SLC25A38: variants seen among roughly 807,000 people sequenced by gnomAD.
SLC25A38 encodes solute carrier family 25 member 38, also known as mitochondrial glycine transporter.
In SLC25A38, 27 loss-of-function variants were observed where a neutral mutation model predicts 33.4. The observed-to-expected ratio is 0.81, with a 90% CI of 0.60 to 1.11. The LOEUF (loss-of-function observed/expected upper bound fraction) is 1.11, where lower values mean the gene tolerates loss of function less well. Among genes scored for constraint, SLC25A38 ranks in the 50% most tolerant of loss-of-function variants. The probability of loss-of-function intolerance (pLI) is 0.00; values close to 1 mark genes in which losing one functional copy is unlikely to be tolerated. For synonymous variants in SLC25A38, 123 were observed against 145.9 expected, an observed-to-expected ratio of 0.84 and a Z score of 1.13; for missense variants, 344 against 388.8, an observed-to-expected ratio of 0.88 and a Z score of 0.97.
chr3:39,388,526 T>G (rs547017613), intron 1 of SLC25A38: 3 of 152,352 alleles, frequency 2.0e-5, no homozygotes, highest in African/African-American at 7.2e-5. Flanking sequence ...TCTTAATGTT[T>G]TAGGGCCACA....
chr3:39,391,687 A>G (rs2041770473), intron 4 of SLC25A38, 67 bp downstream of exon 4: 6 of 1,609,200 alleles, frequency 3.7e-6, no homozygotes, highest in Admixed American at 1.7e-5. Flanking sequence ...GGGAGTGACC[A>G]CCGATGTCAA....
Position 39,389,574 on chromosome 3 carries a change from T to G in SLC25A38, c.149T>G (p.Leu50Arg). 1 of 1,614,172 alleles carries G rather than the reference T, an allele frequency of 6.2e-7. No individual in the cohort carries two copies. The highest frequency in any genetic ancestry group is 8.5e-7 in the Non-Finnish European group (1 of 1,180,030). The change falls in exon 2 of 7, where the codon CTC becomes CGC. Residue 50 changes from leucine (L) to arginine (R), a missense_variant. Leu to Arg is a moderately radical substitution (Grantham distance 102). This residue lies in a region of SLC25A38 where 269 missense variants were observed against 271.8 expected (regional missense o/e 0.99). Transcript: ENST00000650617. This position sits in a 1 kb window ranked among gnomAD's most constrained non-coding sequence, Gnocchi z 4.5. ...CSTLLFQPLD[L>R]LKTRLQTLQP... The stretch of plus-strand genomic sequence containing the variant: ...ACCCTCCTTTTCCAACCTCTGGATC[T>G]CCTTAAAACACGCCTGCAAACCCTC...
Position 39,383,406 on chromosome 3 carries a change from C to G in SLC25A38, c.-319C>G. The G allele has an allele frequency of 5.2e-6, 2 of 384,840 alleles. No individual in the cohort carries two copies. Among genetic ancestry groups the G allele is most frequent in the Non-Finnish European group, 4.9e-6 (1 of 204,576 alleles). 23.8% of individuals were successfully genotyped at this position (384,840 alleles called of 1,614,324 possible). A position where few individuals can be genotyped will look rare whatever the true frequency, so the allele number is the denominator to read the frequency against. Reference sequence around the variant, plus strand: ...GGCGCTTCCTCCACCCCGGGATACACAGAACCTCATCTCCTACGGTGCTGA... The same window carrying G: ...GGCGCTTCCTCCACCCCGGGATACAGAGAACCTCATCTCCTACGGTGCTGA... On this transcript the variant is annotated 5_prime_UTR_variant, in exon 1 of 7. Transcript: ENST00000650617.
chr3:39,383,602 C>T lies in SLC25A38; in HGVS notation c.-123C>T. ...TTATAGGCGCAGACGTCAGAGAGCC[C>T]GCGGCTTAAAGCGCGTCGCCTGGCT... On this transcript the variant is annotated 5_prime_UTR_variant, in exon 1 of 7. Coordinates refer to ENST00000650617, the MANE Select transcript of SLC25A38 (RefSeq NM_017875.4). 1.8e-6 allele frequency: 2 copies of T among 1,122,490 alleles called. No homozygotes were observed. The highest frequency in any genetic ancestry group is 2.6e-6 in the Non-Finnish European group (2 of 758,614). 69.5% of individuals were successfully genotyped at this position (1,122,490 alleles called of 1,614,324 possible).
intron 1 of SLC25A38, among the ~76,000 whole-genome samples, chr3:39,383,994 C>T (rs1182994559): frequency 6.6e-6 from 1 of 152,178 alleles, no homozygotes; most frequent in Non-Finnish European, 1.5e-5. Flanking sequence ...TGCAGGCCAG[C>T]CCTGGGGGCA....
chr3:39,392,100 A>G, intron 5 of SLC25A38, 79 bp downstream of exon 5: 3 of 1,568,406 alleles, frequency 1.9e-6, no homozygotes, highest in Non-Finnish European at 2.6e-6. Context: ...ATATGAGACT[A>G]TGTGTTTCTC....
chr3:39,388,399 C>A (rs2041727486), intron 1 of SLC25A38: 1 of 152,020 alleles, frequency 6.6e-6, no homozygotes, highest in African/African-American at 2.4e-5. Context: ...TAACTGGCTT[C>A]TTTGGTGGAA....
At chr3:39,384,343 C>T (rs1012824563) in intron 1 of SLC25A38, 3 of 243,498 alleles carry the variant, frequency 1.2e-5, no homozygotes, top group African/African-American at 4.4e-5. Flanking sequence ...TCATCGTGCC[C>T]GGGCCGCCGG....
intron 1 of SLC25A38, among the ~76,000 whole-genome samples, chr3:39,384,276 T>G (rs1354308983): frequency 6.6e-6 from 1 of 152,294 alleles, no homozygotes; most frequent in Middle Eastern, 3.4e-3. Flanking sequence ...CCTTCCAGCC[T>G]GTTGGGACGG....
chr3:39,383,584 C>A lies in SLC25A38; in HGVS notation c.-141C>A. ...ACCCCGGCGGCTGCGTGCTTATAGGCGCAGACGTCAGAGAGCCCGCGGCTT... is the reference window on the plus strand; with the variant it reads ...ACCCCGGCGGCTGCGTGCTTATAGGAGCAGACGTCAGAGAGCCCGCGGCTT... On this transcript the variant is annotated 5_prime_UTR_variant, in exon 1 of 7. Coordinates refer to ENST00000650617, the MANE Select transcript of SLC25A38 (RefSeq NM_017875.4). 2.3e-6 allele frequency: 2 copies of A among 886,998 alleles called. No homozygotes were observed. Among genetic ancestry groups the A allele is most frequent in the Non-Finnish European group, 3.6e-6 (2 of 555,430 alleles). The allele number at this position is 886,998 out of a possible 1,614,324, so 54.9% of individuals were successfully genotyped here.
chr3:39,394,336 G>C (rs758489002), intron 5 of SLC25A38, 74 bp from the exon 6 acceptor site: 31 of 1,588,586 alleles, frequency 2.0e-5, no homozygotes, highest in Non-Finnish European at 2.7e-5. Flanking sequence ...GGAAGAATTG[G>C]TGGGCAACTT....
chr3:39,391,429 C>A lies in SLC25A38; in HGVS notation c.277-12C>A, dbSNP rs776318540. 11 of 1,612,956 alleles carry A rather than the reference C, an allele frequency of 6.8e-6. No individual in the cohort carries two copies. The East Asian group carries it at 1.3e-4, about 20-fold the overall frequency. On this transcript the variant is annotated splice_polypyrimidine_tract_variant and intron_variant, in intron 3 of 6. Coordinates refer to ENST00000650617, the MANE Select transcript of SLC25A38 (RefSeq NM_017875.4). ...GTCTTTGATTTTCTTTTCTCCCTGA[C>A]CTTCTCTGCAGTCCATTGTGAGATG...
intron 6 of SLC25A38, 137 bp from the exon 7 acceptor site, chr3:39,396,261 T>C (rs1301749433): frequency 7.0e-7 from 1 of 1,419,338 alleles, no homozygotes; most frequent in African/African-American, 1.4e-5. Context: ...TTGGACCCAT[T>C]ATTCTTACTT....
At chr3:39,386,950 G>A (rs896154130) in intron 1 of SLC25A38, among the ~76,000 whole-genome samples, 3 of 152,214 alleles carry the variant, frequency 2.0e-5, no homozygotes, top group African/African-American at 7.2e-5. Context: ...GCTCCAGCGA[G>A]AGGCTGAGAG....
At chr3:39,385,133 G>T (rs758054983) in intron 1 of SLC25A38, among the ~76,000 whole-genome samples, 6 of 152,076 alleles carry the variant, frequency 3.9e-5, no homozygotes, top group Non-Finnish European at 2.9e-5. Context: ...AAGTTCACTC[G>T]CAAAGGATGT....
intron 1 of SLC25A38, chr3:39,384,765 T>C: frequency 1.5e-5 from 6 of 398,334 alleles, no homozygotes; most frequent in Non-Finnish European, 1.3e-5. Flanking sequence ...ACTTTTTTAT[T>C]TACCTTGAAT....
In SLC25A38 at chr3:39,396,632, A is replaced by C; in HGVS notation, c.*112A>C. On this transcript the variant is annotated 3_prime_UTR_variant, in exon 7 of 7. Transcript: ENST00000650617. ...TGAAGTCCTACCTGGAAAACCAGGCAGAAATTGTGTTGCCTTTGCCTTCAG... is the reference window on the plus strand; with the variant it reads ...TGAAGTCCTACCTGGAAAACCAGGCCGAAATTGTGTTGCCTTTGCCTTCAG... The C allele has an allele frequency of 6.3e-7, 1 of 1,579,246 alleles. No homozygotes were observed. Among genetic ancestry groups the C allele is most frequent in the Non-Finnish European group, 8.7e-7 (1 of 1,154,022 alleles).
At chr3:39,390,283 G>A in intron 2 of SLC25A38, 140 bp from the exon 3 acceptor site, 2 of 844,760 alleles carry the variant, frequency 2.4e-6, no homozygotes, top group East Asian at 2.5e-5. Flanking sequence ...AACACATAGA[G>A]TATCTCCAAG....
chr3:39,393,432 C>G (rs551409617), intron 5 of SLC25A38, among the ~76,000 whole-genome samples: 17 of 152,324 alleles, frequency 1.1e-4, no homozygotes, highest in Admixed American at 5.9e-4. Flanking sequence ...ACCTCAGTGT[C>G]TATTTCCTAT....
Sources: gnomAD v4.1 joint callset for allele counts (sites outside exome capture counted in the v4.1 genomes callset) on GRCh38, gnomAD v4.1.1 for gene constraint, gnomAD v4.1.1 regional missense constraint, Gnocchi (gnomAD v3.1) non-coding constraint, MANE v1.5 for transcripts, NCBI Gene and HGNC (gene_info 2026-07-23, HGNC 2026-07-21) for gene names.